The following LUZP2 variants were observed in gnomAD, a reference collection of about 807,000 sequenced individuals.
The protein encoded by LUZP2 is leucine zipper protein 2.
LUZP2 carries 52 observed loss-of-function variants against 51.6 expected under a neutral mutation model. The observed-to-expected ratio is 1.01, with a 90% CI of 0.81 to 1.27. The LOEUF (loss-of-function observed/expected upper bound fraction) is 1.27. LUZP2 is among the 50% of genes most tolerant of loss of function. The pLI, the probability that LUZP2 is intolerant of heterozygous loss-of-function variation, is 0.00. For missense variants in LUZP2, 436 were observed against 395.4 expected (o/e 1.10, Z -0.87); for synonymous variants, 154 against 137.3 (o/e 1.12, Z -0.85).
chr11:24,791,666 A>G (rs1849413929), intron 5 of LUZP2, among the ~76,000 whole-genome samples: 1 of 152,096 alleles, frequency 6.6e-6, no homozygotes. Context: ...ATTGGCTATC[A>G]AAAAGGGTTA....
At chr11:24,931,078 G>A (rs1009475305) in intron 7 of LUZP2, among the ~76,000 whole-genome samples, 3 of 152,044 alleles carry the variant, frequency 2.0e-5, no homozygotes, top group Middle Eastern at 3.4e-3. Flanking sequence ...GGGCATGGTG[G>A]CGCGTGCCTG....
At chr11:24,786,015 G>A (rs1283741160) in intron 5 of LUZP2, 9 of 985,198 alleles carry the variant, frequency 9.1e-6, no homozygotes, top group South Asian at 4.7e-5. Context: ...GGTACCCAGA[G>A]TTGGGGCACC....
intron 8 of LUZP2, among the ~76,000 whole-genome samples, chr11:24,982,883 A>G (rs1856076874): frequency 6.6e-6 from 1 of 151,886 alleles, no homozygotes; most frequent in Admixed American, 6.6e-5. Context: ...TTCAAGAGAA[A>G]GTAATAAGAC....
At chr11:24,874,257 C>A (rs1431105359) in intron 5 of LUZP2, among the ~76,000 whole-genome samples, 1 of 152,020 alleles carries the variant, frequency 6.6e-6, no homozygotes, top group Admixed American at 6.6e-5. Flanking sequence ...GAAGGTGATT[C>A]GAGGGCCCCT....
intron 5 of LUZP2, among the ~76,000 whole-genome samples, chr11:24,801,964 A>C (rs1477970179): frequency 6.6e-6 from 1 of 151,892 alleles, no homozygotes; most frequent in Non-Finnish European, 1.5e-5. Flanking sequence ...CAAAGAGTAC[A>C]TATGTGTACA....
Position 24,683,146 on chromosome 11 carries a change from T to G in LUZP2, c.63-46023T>G, listed in dbSNP as rs538639376. Among the ~76,000 whole-genome samples the G allele has an allele frequency of 4.5e-4, 69 of 152,350 alleles. No individual in the cohort carries two copies. The South Asian group carries it at 0.013, about 29-fold the overall frequency. ...GTTTTGTAACCAATATTTACAGAAT[T>G]GTCTTCACTTATTGGAAGACAGGCC... is the stretch of plus-strand genomic sequence containing the variant. On this transcript the variant is annotated intron_variant, in intron 1 of 11. Coordinates refer to ENST00000336930, the MANE Select transcript of LUZP2 (RefSeq NM_001009909.4).
chr11:24,907,638 G>A (rs1853499003), intron 6 of LUZP2, among the ~76,000 whole-genome samples: 2 of 152,106 alleles, frequency 1.3e-5, no homozygotes, highest in South Asian at 4.1e-4. Context: ...TTTTGAATAA[G>A]AAATATCTAG....
chr11:24,867,603 C>T (rs1443293859), intron 5 of LUZP2, among the ~76,000 whole-genome samples: 1 of 152,112 alleles, frequency 6.6e-6, no homozygotes, highest in Non-Finnish European at 1.5e-5. Flanking sequence ...CTTACACATG[C>T]TTTTGTTATT....
chr11:24,577,779 A>T (rs568523120), intron 1 of LUZP2, among the ~76,000 whole-genome samples: 2 of 152,278 alleles, frequency 1.3e-5, no homozygotes, highest in African/African-American at 4.8e-5. Context: ...CCTACTTTAT[A>T]GATAATGGAA....
At chr11:24,694,758 C>A (rs911921972) in intron 1 of LUZP2, among the ~76,000 whole-genome samples, 12 of 152,062 alleles carry the variant, frequency 7.9e-5, no homozygotes, top group African/African-American at 2.9e-4. Flanking sequence ...AGAAAGACTT[C>A]GTGTCCTTTT....
At chr11:24,723,710 A>T (rs1393660828) in intron 1 of LUZP2, among the ~76,000 whole-genome samples, 1 of 152,108 alleles carries the variant, frequency 6.6e-6, no homozygotes. Context: ...GTGTGCCTAT[A>T]GTTCCAGCTA....
intron 1 of LUZP2, among the ~76,000 whole-genome samples, chr11:24,519,089 A>T (rs1398235821): frequency 1.3e-5 from 2 of 152,160 alleles, no homozygotes; most frequent in African/African-American, 4.8e-5. Context: ...TTTGGGCTCT[A>T]TTTTAAACTT....
chr11:24,889,258 G>A (rs1852772473), intron 5 of LUZP2, among the ~76,000 whole-genome samples: 1 of 152,124 alleles, frequency 6.6e-6, no homozygotes, highest in African/African-American at 2.4e-5. Flanking sequence ...ATGTGGGTGG[G>A]GGGCAAAAAT....
At chr11:24,762,634 T>C (rs1565123658) in intron 4 of LUZP2, among the ~76,000 whole-genome samples, 1 of 152,174 alleles carries the variant, frequency 6.6e-6, no homozygotes, top group East Asian at 1.9e-4. Context: ...TTATAAATTC[T>C]ATAAAAAGTC....
chr11:24,941,940 T>C lies in LUZP2; in HGVS notation c.522+27402T>C, dbSNP rs148283624. Among the ~76,000 whole-genome samples the C allele has an allele frequency of 3.5e-3, 531 of 152,166 alleles. 8 individuals carry two copies. The highest frequency in any genetic ancestry group is 0.012 in the African/African-American group (485 of 41,566). ...CAATTTGCAGTCAATTCCCTCTCCA[T>C]GCCCTGCTTTCTTTTACTATTGTTT... On this transcript the variant is annotated intron_variant, in intron 7 of 11. Coordinates refer to ENST00000336930, the MANE Select transcript of LUZP2 (RefSeq NM_001009909.4).
At chr11:25,038,551 T>G (rs138157025) in intron 9 of LUZP2, among the ~76,000 whole-genome samples, 88 of 152,330 alleles carry the variant, frequency 5.8e-4, no homozygotes, top group African/African-American at 1.9e-3. Context: ...CTTAAATCTT[T>G]GTACTGAATT....
At chr11:24,759,308 TTTTCTG>T (rs551044084) in intron 4 of LUZP2, among the ~76,000 whole-genome samples, 4 of 152,134 alleles carry the variant, frequency 2.6e-5, no homozygotes, top group Admixed American at 6.6e-5. Flanking sequence ...ATACAATGTA[TTTTCTG>T]TTTCTGAGAA....
chr11:24,803,570 AAAC>A (rs1849758890), intron 5 of LUZP2, among the ~76,000 whole-genome samples: 1 of 152,118 alleles, frequency 6.6e-6, no homozygotes, highest in Non-Finnish European at 1.5e-5. Flanking sequence ...TAAAATGGGA[AAAC>A]AACCCAAGTG....
chr11:24,965,607 G>A (rs1855558594), intron 7 of LUZP2, among the ~76,000 whole-genome samples: 1 of 151,728 alleles, frequency 6.6e-6, no homozygotes, highest in African/African-American at 2.4e-5. Flanking sequence ...AATTTAGAAA[G>A]TGTCTGTCTA....
Sources: gnomAD v4.1 joint callset for allele counts (sites outside exome capture counted in the v4.1 genomes callset) on GRCh38, gnomAD v4.1.1 for gene constraint, MANE v1.5 for transcripts, NCBI Gene and HGNC (gene_info 2026-07-23, HGNC 2026-07-21) for gene names.